The following RPS24 variants were observed in gnomAD, a reference collection of about 807,000 sequenced individuals.
RPS24 encodes ribosomal protein S24.
For synonymous variants in RPS24, 72 were observed against 55.6 expected, an observed-to-expected ratio of 1.30 and a Z score of -1.31; for missense variants, 100 against 162.5, an observed-to-expected ratio of 0.62 and a Z score of 2.09.
At chr10:78,034,140 G>A (rs1382109663) in intron 1 of RPS24, 4 of 569,964 alleles carry the variant, frequency 7.0e-6, no homozygotes, top group African/African-American at 3.8e-5. Flanking sequence ...CAGTGCAGGA[G>A]CTGTTGCGCT....
rs552473131 is a variant in RPS24 at position 78,052,015 on chromosome 10, TA to T, written c.391-2512del. On this transcript the variant is annotated intron_variant, in intron 4 of 4. Transcript: ENST00000440692. Reference sequence around the variant, plus strand: ...TCCTATTCTGTGGATTGTCCATTTTTAAAATTTATTTATTTATTTATTTATT... The same window carrying T: ...TCCTATTCTGTGGATTGTCCATTTTTAAATTTATTTATTTATTTATTTATT... Among the ~76,000 whole-genome samples the T allele has an allele frequency of 3.3e-4, 49 of 150,020 alleles. 1 individual carries two copies. The South Asian group carries it at 7.1e-3, about 22-fold the overall frequency.
At chr10:78,045,551 G>A (rs1296633656), downstream of RPS24, among the ~76,000 whole-genome samples, 1 of 151,172 alleles carries the variant, frequency 6.6e-6, no homozygotes, top group East Asian at 2.0e-4. Context: ...GCACTGTTTT[G>A]GCTCACTGCA....
chr10:78,041,077 C>T (rs1347369922), downstream of RPS24, among the ~76,000 whole-genome samples: 1 of 151,850 alleles, frequency 6.6e-6, no homozygotes, highest in Non-Finnish European at 1.5e-5. Flanking sequence ...CGGGCTCAAG[C>T]GATCCTCCTA....
intron 1 of RPS24, chr10:78,034,227 T>C: frequency 1.9e-6 from 1 of 517,062 alleles, no homozygotes; most frequent in Non-Finnish European, 3.5e-6. Context: ...ACATCTCGTC[T>C]GCAGTTCCTC....
rs1452747006 is a variant in RPS24 at position 78,035,737 on chromosome 10, T to A, written c.279+17T>A. 6.3e-7 allele frequency: 1 copy of A among 1,590,332 alleles called. No individual in the cohort carries two copies. Among genetic ancestry groups the A allele is most frequent in the Non-Finnish European group, 8.5e-7 (1 of 1,172,032 alleles). Reference sequence around the variant, plus strand: ...CTTGCAAGAGTAGGTGTCTTTTCATTTGTTGATCAGCTCCTGAAGACCTAT... The same window carrying A: ...CTTGCAAGAGTAGGTGTCTTTTCATATGTTGATCAGCTCCTGAAGACCTAT... On this transcript the variant is annotated intron_variant, in intron 3 of 5. Transcript: ENST00000372360.
At chr10:78,041,524 G>A (rs557211482), downstream of RPS24, among the ~76,000 whole-genome samples, 3 of 152,370 alleles carry the variant, frequency 2.0e-5, no homozygotes, top group African/African-American at 7.2e-5. Flanking sequence ...TACAGAACGT[G>A]TGGAAGAATG....
At chr10:78,044,547 CAG>C (rs906050778), downstream of RPS24, among the ~76,000 whole-genome samples, 2 of 152,058 alleles carry the variant, frequency 1.3e-5, no homozygotes, top group African/African-American at 4.8e-5. Context: ...TTTGTGCTGG[CAG>C]AGAGGCTCTC....
In RPS24 at chr10:78,033,921, C is replaced by T. The variant is rs751476775; in HGVS notation, c.3+17C>T. The T allele has an allele frequency of 1.7e-5, 27 of 1,613,918 alleles. No individual in the cohort carries two copies. The highest frequency in any genetic ancestry group is 3.3e-5 in the Admixed American group (2 of 60,012). On this transcript the variant is annotated intron_variant, in intron 1 of 5. Coordinates refer to ENST00000372360, the MANE Select transcript of RPS24 (RefSeq NM_033022.4). ...GCCATCATGGTGAGTCTCCCTGGGC[C>T]CGTGCAGTCATCTGCCGCGTATCCG...
At chr10:78,054,879 G>A in exon 5 of RPS24, 1 of 1,546,766 alleles carries the variant, frequency 6.5e-7, no homozygotes, top group East Asian at 2.5e-5. Context: ...CTTGCCAGAA[G>A]CCTTGTCAGC....
At chr10:78,041,380 C>G (rs1847984353), downstream of RPS24, among the ~76,000 whole-genome samples, 1 of 152,154 alleles carries the variant, frequency 6.6e-6, no homozygotes, top group South Asian at 2.1e-4. Flanking sequence ...GGCCTGCTGG[C>G]CAGGGGGTGG....
intron 4 of RPS24, chr10:78,039,281 G>A (rs1847940609): frequency 6.6e-6 from 1 of 152,224 alleles, no homozygotes; most frequent in Non-Finnish European, 1.5e-5. Flanking sequence ...TCTGACCTAG[G>A]TCTGAAGGAC....
chr10:78,054,382 T>C (rs1848130074), intron 4 of RPS24: 1 of 740,502 alleles, frequency 1.4e-6, no homozygotes, highest in East Asian at 2.7e-5. Context: ...CCAAGTGCCC[T>C]TCCTTCAAGC....
In RPS24 at chr10:78,040,198, AT is replaced by A. The variant is rs1464619597; in HGVS notation, c.391-4del. On this transcript the variant is annotated splice_polypyrimidine_tract_variant and splice_region_variant and intron_variant, in intron 4 of 5. Coordinates refer to ENST00000372360, the MANE Select transcript of RPS24 (RefSeq NM_033022.4). ...TCTCTTTTTCCCTTCCCCGCCACTG[AT>A]TCAGTGAGCTGGAGATTGGATCACA... The A allele has an allele frequency of 1.2e-6, 2 of 1,613,482 alleles. No homozygotes were observed. Among genetic ancestry groups the A allele is most frequent in the Non-Finnish European group, 1.7e-6 (2 of 1,179,492 alleles).
At chr10:78,051,007 C>T (rs1454847189) in intron 4 of RPS24, among the ~76,000 whole-genome samples, 3 of 152,164 alleles carry the variant, frequency 2.0e-5, no homozygotes, top group Non-Finnish European at 4.4e-5. Flanking sequence ...CATGGCCAAC[C>T]TGGCAAAACC....
chr10:78,043,096 C>T (rs981276564), downstream of RPS24, among the ~76,000 whole-genome samples: 12 of 152,258 alleles, frequency 7.9e-5, no homozygotes, highest in East Asian at 3.9e-4. Flanking sequence ...CTCTGCCTCA[C>T]GGGTTCACGC....
In RPS24 at chr10:78,040,612, C is replaced by T. The variant is rs749232901; in HGVS notation, c.*20-3C>T. On this transcript the variant is annotated splice_polypyrimidine_tract_variant and splice_region_variant and intron_variant, in intron 5 of 5. Coordinates refer to ENST00000372360, the MANE Select transcript of RPS24 (RefSeq NM_033022.4). The stretch of plus-strand genomic sequence containing the variant: ...GACTAAACTTCTTTCTCTTGATTCA[C>T]AGCCGAAGGAGTAAAGGTGCTGCAA... 1.2e-6 allele frequency: 2 copies of T among 1,612,570 alleles called. No homozygotes were observed. Among genetic ancestry groups the T allele is most frequent in the Non-Finnish European group, 1.7e-6 (2 of 1,178,652 alleles).
chr10:78,049,698 T>A (rs1340423048), intron 4 of RPS24, among the ~76,000 whole-genome samples: 1 of 152,178 alleles, frequency 6.6e-6, no homozygotes, highest in Non-Finnish European at 1.5e-5. Context: ...GTGGTGCTAG[T>A]GCAAGGTCAG....
Position 78,047,022 on chromosome 10 carries a change from G to A in RPS24, c.391-7509G>A, listed in dbSNP as rs1361498065. Among the ~76,000 whole-genome samples, 5 of 151,800 alleles carry A rather than the reference G, an allele frequency of 3.3e-5. No homozygotes were observed. The East Asian group carries it at 5.8e-4, about 18-fold the overall frequency. The stretch of plus-strand genomic sequence containing the variant: ...GTTGCCCAGGCTGGAGTGCAGTGGC[G>A]TGATCTTGCTTCACTGCAACCTCCG... On this transcript the variant is annotated intron_variant, in intron 4 of 4. Transcript: ENST00000440692.
At chr10:78,048,742 G>A (rs765762803) in intron 4 of RPS24, among the ~76,000 whole-genome samples, 28 of 152,060 alleles carry the variant, frequency 1.8e-4, no homozygotes, top group Admixed American at 3.3e-4. Flanking sequence ...GGGCATGGGG[G>A]CATGCACCTG....
Sources: gnomAD v4.1 joint callset for allele counts (sites outside exome capture counted in the v4.1 genomes callset) on GRCh38, gnomAD v4.1.1 for gene constraint, MANE v1.5 for transcripts, NCBI Gene and HGNC (gene_info 2026-07-23, HGNC 2026-07-21) for gene names.